Variants in ABLIM3 observed in about 807,000 individuals in gnomAD.
ABLIM3 encodes the protein actin-binding LIM protein 3.
ABLIM3 carries 61 observed loss-of-function variants against 109.5 expected under a neutral mutation model. The observed-to-expected ratio is 0.56, with a 90% confidence interval of 0.45 to 0.69. The LOEUF is 0.69. Ranked by LOEUF, ABLIM3 falls within the 30% of genes least tolerant of loss-of-function variation. ABLIM3 has a pLI of 0.00. For missense variants in ABLIM3, 796 were observed against 889.5 expected (o/e 0.89, Z 1.34); for synonymous variants, 300 against 324.8 (o/e 0.92, Z 0.82).
At chr5:149,191,295 A>T (rs558907719) in intron 3 of ABLIM3, among the ~76,000 whole-genome samples, 2 of 152,310 alleles carry the variant, frequency 1.3e-5, no homozygotes, top group Admixed American at 1.3e-4. Context: ...GAAATATTAT[A>T]AACAATTTGA....
In ABLIM3 at chr5:149,239,677, C is replaced by G. The variant is rs193019772; in HGVS notation, c.1075-82C>G. On this transcript the variant is annotated intron_variant, in intron 12 of 23. Transcript: ENST00000309868. ...AACCCGAGAATCCCAGATTCCATGT[C>G]ATGCCCACCTGCCTGCTAGACCCTC... is the stretch of plus-strand genomic sequence containing the variant. 5.8e-5 allele frequency: 87 copies of G among 1,497,026 alleles called. 1 individual carries two copies. The East Asian group carries it at 2.1e-3, about 36-fold the overall frequency. 92.7% of individuals were successfully genotyped at this position (1,497,026 alleles called of 1,614,324 possible). A position where few individuals can be genotyped will look rare whatever the true frequency, so the allele number is the denominator to read the frequency against.
At chr5:149,237,372 G>C in intron 10 of ABLIM3, 76 bp from the exon 11 acceptor site, 1 of 1,473,688 alleles carries the variant, frequency 6.8e-7, no homozygotes, top group Non-Finnish European at 9.3e-7. Flanking sequence ...TCTGTATCTT[G>C]TTTTTGTTTC....
intron 2 of ABLIM3, among the ~76,000 whole-genome samples, chr5:149,156,677 C>G (rs1276489955): frequency 1.3e-5 from 2 of 152,168 alleles, no homozygotes; most frequent in Non-Finnish European, 2.9e-5. Context: ...CAGTTCTTGG[C>G]ATGAGTCAGG....
At chr5:149,165,632 G>T (rs1372686264) in intron 2 of ABLIM3, among the ~76,000 whole-genome samples, 1 of 152,254 alleles carries the variant, frequency 6.6e-6, no homozygotes, top group South Asian at 2.1e-4. Flanking sequence ...CATGCATGTG[G>T]TTCCAAATGG....
chr5:149,239,977 C>T (rs552631705), intron 13 of ABLIM3, 89 bp downstream of exon 13: 15 of 1,461,580 alleles, frequency 1.0e-5, no homozygotes, highest in Non-Finnish European at 9.0e-6. Context: ...GCACAAGGCT[C>T]CCCCATGATC....
chr5:149,246,452 C>G, intron 16 of ABLIM3, 30 bp from the exon 17 acceptor site: 1 of 1,612,504 alleles, frequency 6.2e-7, no homozygotes, highest in East Asian at 2.2e-5. Flanking sequence ...GGTGCACATG[C>G]CGGAGCTGAT....
chr5:149,171,090 T>C (rs967220678), intron 2 of ABLIM3, among the ~76,000 whole-genome samples: 4 of 152,194 alleles, frequency 2.6e-5, no homozygotes, highest in Non-Finnish European at 5.9e-5. Flanking sequence ...CCTTAGATTG[T>C]AGCTATTTGT....
intron 2 of ABLIM3, among the ~76,000 whole-genome samples, chr5:149,179,872 A>T (rs1465339125): frequency 6.6e-6 from 1 of 152,234 alleles, no homozygotes; most frequent in Non-Finnish European, 1.5e-5. Context: ...ATTATATTGG[A>T]CAGCATAGAT....
intron 2 of ABLIM3, among the ~76,000 whole-genome samples, chr5:149,176,532 T>G (rs963687471): frequency 6.6e-6 from 1 of 152,134 alleles, no homozygotes; most frequent in African/African-American, 2.4e-5. Flanking sequence ...ATTCTGCCTC[T>G]GCCGTTTACT....
At chr5:149,159,406 AT>A (rs1405852218) in intron 2 of ABLIM3, among the ~76,000 whole-genome samples, 1 of 152,226 alleles carries the variant, frequency 6.6e-6, no homozygotes, top group Admixed American at 6.5e-5. Context: ...GTTGCAGCAA[AT>A]TATCTAGAGT....
rs1168516485 is a variant in ABLIM3, at chr5:149,151,547, T to G, written c.13+9439T>G. Among the ~76,000 whole-genome samples, 6 of 152,242 alleles carry G rather than the reference T, an allele frequency of 3.9e-5. No homozygotes were observed. In the South Asian group the frequency reaches 6.2e-4, roughly 16 times the overall value. On this transcript the variant is annotated intron_variant, in intron 2 of 23. Coordinates refer to ENST00000309868, the MANE Select transcript of ABLIM3 (RefSeq NM_014945.5). ...CAGTTGGTTACTAAATGCAAGTCAC[T>G]AAGTTTATCTATCTAGTCTTGATGT... is the stretch of plus-strand genomic sequence containing the variant.
At chr5:149,160,461 C>CAAAAAAAAA (rs35479445) in intron 2 of ABLIM3, among the ~76,000 whole-genome samples, 1 of 130,208 alleles carries the variant, frequency 7.7e-6, no homozygotes. Flanking sequence ...GACTCCGTCT[C>CAAAAAAAAA]AAAAAAAAAA....
Position 149,181,255 on chromosome 5 carries a change from A to C in ABLIM3, c.14-2197A>C, listed in dbSNP as rs80204390. On this transcript the variant is annotated intron_variant, in intron 2 of 23. Transcript: ENST00000309868. ...AACATTGAGTAAGAATCAGAAAAAGAAAAGAGAATAAGATTAAAGAGAATG... is the reference window on the plus strand; with the variant it reads ...AACATTGAGTAAGAATCAGAAAAAGCAAAGAGAATAAGATTAAAGAGAATG... Among the ~76,000 whole-genome samples the C allele has an allele frequency of 2.4e-3, 367 of 152,108 alleles. 2 individuals are homozygous for C. The highest frequency in any genetic ancestry group is 8.6e-3 in the African/African-American group (356 of 41,484).
At chr5:149,227,733 A>G (rs912771107) in intron 8 of ABLIM3, among the ~76,000 whole-genome samples, 3 of 152,226 alleles carry the variant, frequency 2.0e-5, no homozygotes, top group Non-Finnish European at 2.9e-5. Flanking sequence ...ATATGTTTGT[A>G]GACTCAGTCT....
chr5:149,230,710 A>C lies in ABLIM3; in HGVS notation c.816+3A>C, dbSNP rs745550287. 6.2e-7 allele frequency: 1 copy of C among 1,614,042 alleles called. No homozygotes were observed. Among genetic ancestry groups the C allele is most frequent in the South Asian group, 1.1e-5 (1 of 91,074 alleles). ...CCCGGGCAGAGAAGAAGTTAAAGGTAAGCAAGCTAGTAGATTCCAGACCAG... is the reference window on the plus strand; with the variant it reads ...CCCGGGCAGAGAAGAAGTTAAAGGTCAGCAAGCTAGTAGATTCCAGACCAG... On this transcript the variant is annotated splice_donor_region_variant and intron_variant, in intron 9 of 23. Transcript: ENST00000309868.
At chr5:149,202,442 T>C (rs572085062) in intron 5 of ABLIM3, among the ~76,000 whole-genome samples, 16 of 152,320 alleles carry the variant, frequency 1.1e-4, no homozygotes, top group African/African-American at 3.8e-4. Context: ...TGGTATGTTT[T>C]ATAGAGGTAT....
chr5:149,220,733 C>A (rs1450591036), intron 8 of ABLIM3: 1 of 152,202 alleles, frequency 6.6e-6, no homozygotes, highest in African/African-American at 2.4e-5. Context: ...GTTCAAGCGT[C>A]AGCAATTCCA....
intron 8 of ABLIM3, among the ~76,000 whole-genome samples, chr5:149,221,745 T>C (rs1036878855): frequency 1.3e-5 from 2 of 152,214 alleles, no homozygotes; most frequent in Non-Finnish European, 2.9e-5. Flanking sequence ...GCAAAACTTA[T>C]ACTGAAATCC....
At chr5:149,177,030 C>T (rs1448360248) in intron 2 of ABLIM3, 1 of 152,254 alleles carries the variant, frequency 6.6e-6, no homozygotes, top group Non-Finnish European at 1.5e-5. Flanking sequence ...TCAGCTTTCT[C>T]ATCTGTTAAG....
Sources: allele counts gnomAD v4.1 joint callset (sites outside exome capture counted in the v4.1 genomes callset), GRCh38; gene constraint gnomAD v4.1.1; transcripts MANE v1.5; gene names NCBI Gene and HGNC (gene_info 2026-07-23, HGNC 2026-07-21).